Variants in HACL2 observed in about 807,000 individuals in gnomAD.
HACL2 encodes the protein 2-hydroxyacyl-CoA lyase 2.
At chr19:15,116,609 C>A in the HACL2 span, 25 of 1,044,966 alleles carry the variant, frequency 2.4e-5, no homozygotes, top group East Asian at 6.1e-4. Flanking sequence ...AGGAAGCCAG[C>A]AGCAGCATCC....
the HACL2 span, among the ~76,000 whole-genome samples, chr19:15,120,298 C>T: frequency 8.4e-4 from 128 of 152,262 alleles, no homozygotes; most frequent in African/African-American, 2.9e-3. Flanking sequence ...CCCAACTCCA[C>T]GTAGCCCCCC....
At chr19:15,116,442 G>T in the HACL2 span, 1 of 1,613,930 alleles carries the variant, frequency 6.2e-7, no homozygotes, top group Non-Finnish European at 8.5e-7. Flanking sequence ...TCGGCTTCCC[G>T]CAGCTCCTCC....
chr19:15,119,037 G>A, the HACL2 span: 13 of 1,056,408 alleles, frequency 1.2e-5, 1 homozygote, highest in African/African-American at 6.4e-5. Context: ...GGTTCAAAGC[G>A]CTTTATGTGA....
At chr19:15,115,883 G>T in the HACL2 span, 1 of 1,614,146 alleles carries the variant, frequency 6.2e-7, no homozygotes, top group African/African-American at 1.3e-5. Flanking sequence ...ATTCGATGAG[G>T]CTGTAGCCAA....
At chr19:15,124,949 C>G in the HACL2 span, 13 of 1,607,732 alleles carry the variant, frequency 8.1e-6, no homozygotes, top group Non-Finnish European at 1.1e-5. Flanking sequence ...GATAGAAGAG[C>G]CCCAGGCGGT....
At chr19:15,116,451 C>T in the HACL2 span, 3 of 1,613,974 alleles carry the variant, frequency 1.9e-6, no homozygotes, top group Non-Finnish European at 2.5e-6. Flanking sequence ...CGCAGCTCCT[C>T]CACCCAGTCT....
the HACL2 span, chr19:15,118,083 G>A: frequency 1.9e-6 from 3 of 1,598,484 alleles, no homozygotes; most frequent in South Asian, 2.2e-5. Flanking sequence ...ATCCACTGTG[G>A]TGGACTGGAT....
chr19:15,124,800 C>G, the HACL2 span: 1 of 1,284,954 alleles, frequency 7.8e-7, no homozygotes. Flanking sequence ...GAACCTCTTA[C>G]CAGTCCCTCT....
chr19:15,124,998 G>A, the HACL2 span: 7 of 1,596,462 alleles, frequency 4.4e-6, no homozygotes, highest in Non-Finnish European at 6.0e-6. Context: ...CGTCCCGCAG[G>A]CCAGGAGCAG....
the HACL2 span, chr19:15,122,612 C>G: frequency 2.5e-6 from 3 of 1,189,056 alleles, no homozygotes; most frequent in Non-Finnish European, 3.7e-6. The surrounding 1 kb of genome is among the most constrained non-coding windows in gnomAD (Gnocchi z 4.0). Context: ...ACATGTGAAT[C>G]AAAGGAGGAT....
the HACL2 span, chr19:15,116,299 C>T: frequency 1.0e-4 from 169 of 1,613,846 alleles, no homozygotes; most frequent in Non-Finnish European, 1.4e-4. Flanking sequence ...AGGTGCTGGG[C>T]CACAGGCATC....
chr19:15,115,399 G>A, the HACL2 span: 4 of 1,613,812 alleles, frequency 2.5e-6, no homozygotes, highest in Non-Finnish European at 2.5e-6. Flanking sequence ...GCAAGCCCCG[G>A]GCCCCCAGAC....
At chr19:15,116,908 AAC>A in the HACL2 span, 1 of 222,814 alleles carries the variant, frequency 4.5e-6, no homozygotes, top group East Asian at 1.4e-4. Flanking sequence ...GAAGTGAACT[AAC>A]AAACAGCCCC....
the HACL2 span, chr19:15,123,088 C>CT: frequency 6.2e-7 from 1 of 1,612,168 alleles, no homozygotes; most frequent in Non-Finnish European, 8.5e-7. The surrounding 1 kb of genome is among the most constrained non-coding windows in gnomAD (Gnocchi z 5.1). Context: ...CCCCCCTAGG[C>CT]CCCCACTGGC....
the HACL2 span, among the ~76,000 whole-genome samples, chr19:15,120,543 G>A: frequency 6.6e-6 from 1 of 152,194 alleles, no homozygotes; most frequent in Admixed American, 6.5e-5. Context: ...GTCCTCTCCT[G>A]CTTCAAACAG....
chr19:15,125,233 C>A, the HACL2 span: 1 of 705,566 alleles, frequency 1.4e-6, no homozygotes, highest in Non-Finnish European at 2.3e-6. Context: ...TGCGCCTAGG[C>A]TCGGGGTGAA....
the HACL2 span, chr19:15,122,621 A>G: frequency 4.8e-6 from 6 of 1,255,516 alleles, no homozygotes; most frequent in South Asian, 6.1e-5. The surrounding 1 kb of genome is among the most constrained non-coding windows in gnomAD (Gnocchi z 4.0). Flanking sequence ...TCAAAGGAGG[A>G]TGGGTGTGGG....
chr19:15,118,475 A>C, the HACL2 span, among the ~76,000 whole-genome samples: 2 of 152,060 alleles, frequency 1.3e-5, no homozygotes, highest in Non-Finnish European at 2.9e-5. Flanking sequence ...CTGGGAGGAA[A>C]CCGGAGCCAC....
chr19:15,120,883 G>C, the HACL2 span, among the ~76,000 whole-genome samples: 1 of 152,144 alleles, frequency 6.6e-6, no homozygotes, highest in Non-Finnish European at 1.5e-5. Flanking sequence ...GGTGAGCTAT[G>C]ATCATACCAC....
Sources: gnomAD v4.1 joint callset for allele counts (sites outside exome capture counted in the v4.1 genomes callset) on GRCh38, gnomAD v4.1.1 for gene constraint, Gnocchi (gnomAD v3.1) non-coding constraint, MANE v1.5 for transcripts, NCBI Gene and HGNC (gene_info 2026-07-23, HGNC 2026-07-21) for gene names.